The following EFEMP1 variants were observed in gnomAD, a reference collection of about 807,000 sequenced individuals.
The protein encoded by EFEMP1 is EGF-like fibulin extracellular matrix protein 1.
In EFEMP1, 18 loss-of-function variants were observed where a neutral mutation model predicts 65.7. That is an observed-to-expected ratio of 0.27 (90% CI 0.19 to 0.41). The LOEUF is 0.41. Ranked by LOEUF, EFEMP1 falls within the 10% of genes least tolerant of loss-of-function variation. The pLI is 1.00. For synonymous variants in EFEMP1, 237 were observed against 219.7 expected (o/e 1.08, Z -0.70); for missense variants, 469 against 624.8 (o/e 0.75, Z 2.66).
At chr2:55,907,304 C>T (rs544128752) in intron 5 of EFEMP1, among the ~76,000 whole-genome samples, 1 of 152,274 alleles carries the variant, frequency 6.6e-6, no homozygotes, top group South Asian at 2.1e-4. Flanking sequence ...TATGTGTGCA[C>T]ATGTGTGGGC....
At position 55,877,935 on chromosome 2, in the gene EFEMP1, A is replaced by G; in HGVS notation, c.641-70T>C. 1 of 1,584,124 alleles carries G rather than the reference A, an allele frequency of 6.3e-7. No homozygotes were observed. Among genetic ancestry groups the G allele is most frequent in the Non-Finnish European group, 8.6e-7 (1 of 1,157,364 alleles). On this transcript the variant is annotated intron_variant, in intron 6 of 11. Transcript: ENST00000355426. This position sits in a 1 kb window ranked among gnomAD's most constrained non-coding sequence, Gnocchi z 4.5. The stretch of plus-strand genomic sequence containing the variant: ...TAGCATTCTCTGAAAAGCATTATCT[A>G]GAAAACCTATGTAGAGAAAATCTCT...
chr2:55,908,396 A>G (rs971166051), intron 5 of EFEMP1, among the ~76,000 whole-genome samples: 1 of 152,172 alleles, frequency 6.6e-6, no homozygotes, highest in Non-Finnish European at 1.5e-5. Context: ...AGTCAAACTC[A>G]TAGAAGTAGA....
intron 8 of EFEMP1, among the ~76,000 whole-genome samples, chr2:55,876,108 G>C (rs910271716): frequency 1.3e-5 from 2 of 152,082 alleles, no homozygotes; most frequent in African/African-American, 4.8e-5. Flanking sequence ...CATGTGGAAA[G>C]TGAAACCCAG....
rs1262753502 is a variant in EFEMP1, at chr2:55,902,179, T to G, written c.517+15486A>C. Among the ~76,000 whole-genome samples, 3 of 152,346 alleles carry G rather than the reference T, an allele frequency of 2.0e-5. No homozygotes were observed. The East Asian group carries it at 5.8e-4, about 29-fold the overall frequency. On this transcript the variant is annotated intron_variant, in intron 5 of 11. Coordinates refer to ENST00000355426, the MANE Select transcript of EFEMP1 (RefSeq NM_001039348.3). ...CACTAAGCATTGGAGTAATTTGTTA[T>G]GCAGTAACAGATTAACTAGCACATA...
intron 5 of EFEMP1, among the ~76,000 whole-genome samples, chr2:55,911,223 T>G (rs1670471156): frequency 6.6e-6 from 1 of 152,168 alleles, no homozygotes; most frequent in Non-Finnish European, 1.5e-5. Flanking sequence ...CACCCATGTT[T>G]AGGAATCGGA....
At chr2:55,888,967 C>G (rs992661496) in intron 5 of EFEMP1, among the ~76,000 whole-genome samples, 1 of 152,156 alleles carries the variant, frequency 6.6e-6, no homozygotes, top group Non-Finnish European at 1.5e-5. Context: ...CCCACTTCCC[C>G]GGCTCCGGCT....
Position 55,866,165 on chromosome 2 carries a change from A to C in EFEMP1, c.*908T>G, listed in dbSNP as rs2104358104. The C allele has an allele frequency of 6.6e-6, 1 of 152,350 alleles. No individual in the cohort carries two copies. Among genetic ancestry groups the C allele is most frequent in the East Asian group, 1.9e-4 (1 of 5,188 alleles). The allele number at this position is 152,350 out of a possible 1,614,324, so 9.4% of individuals were successfully genotyped here. Reference sequence around the variant, plus strand: ...TCCTCTGTGAGCATCAAGTACGAAGATGAGAAATTTTAGTTATAAATTAGT... The same window carrying C: ...TCCTCTGTGAGCATCAAGTACGAAGCTGAGAAATTTTAGTTATAAATTAGT... On this transcript the variant is annotated 3_prime_UTR_variant, in exon 12 of 12. Transcript: ENST00000355426.
chr2:55,885,364 G>A lies in EFEMP1; in HGVS notation c.518-3630C>T, dbSNP rs907322370. 1.3e-5 allele frequency among the ~76,000 whole-genome samples: 2 copies of A among 152,198 alleles called. No homozygotes were observed. Among genetic ancestry groups the A allele is most frequent in the Admixed American group, 6.5e-5 (1 of 15,282 alleles). On this transcript the variant is annotated intron_variant, in intron 5 of 11. Coordinates refer to ENST00000355426, the MANE Select transcript of EFEMP1 (RefSeq NM_001039348.3). The surrounding 1 kb of genome is among the most constrained non-coding windows in gnomAD (Gnocchi z 4.3). ...CCTGGTGCAGTGCCTGGTTGAAGAG[G>A]ATCATGAAATGCTAGATCTGTCGTG...
chr2:55,920,931 AC>A (rs1427109522), intron 3 of EFEMP1, among the ~76,000 whole-genome samples: 1 of 152,254 alleles, frequency 6.6e-6, no homozygotes, highest in Non-Finnish European at 1.5e-5. Flanking sequence ...CAAAAGGGTA[AC>A]ATATCTGGAA....
rs1669429261 is a variant in EFEMP1 at position 55,886,601 on chromosome 2, C to A, written c.518-4867G>T. ...TTGTTAGAAGGAAGAGCTTCTTTAC[C>A]ATTGGCCTCCTTCCTCCCAACATTC... On this transcript the variant is annotated intron_variant, in intron 5 of 11. Coordinates refer to ENST00000355426, the MANE Select transcript of EFEMP1 (RefSeq NM_001039348.3). This position sits in a 1 kb window ranked among gnomAD's most constrained non-coding sequence, Gnocchi z 4.0. Among the ~76,000 whole-genome samples, 1 of 152,098 alleles carries A rather than the reference C, an allele frequency of 6.6e-6. No homozygotes were observed.
rs564415180 is a variant in EFEMP1 at position 55,871,842 on chromosome 2, T to C, written c.1001-719A>G. On this transcript the variant is annotated intron_variant, in intron 9 of 11. Coordinates refer to ENST00000355426, the MANE Select transcript of EFEMP1 (RefSeq NM_001039348.3). This position sits in a 1 kb window ranked among gnomAD's most constrained non-coding sequence, Gnocchi z 4.2. ...ATGAAGTGTTCCACCTCATAGAGCA[T>C]AGCAATTTTAGGACTGTAAGGAAAA... Among the ~76,000 whole-genome samples the C allele has an allele frequency of 3.9e-4, 60 of 152,066 alleles. No individual in the cohort carries two copies. In the South Asian group the frequency reaches 0.012, roughly 31 times the overall value.
chr2:55,918,564 T>TCTCTGACTG (rs1670797091), intron 3 of EFEMP1, among the ~76,000 whole-genome samples: 1 of 152,002 alleles, frequency 6.6e-6, no homozygotes, highest in Non-Finnish European at 1.5e-5. Flanking sequence ...TTCTCCAACT[T>TCTCTGACTG]CTCTGACTGC....
Position 55,877,700 on chromosome 2 carries a change from T to G in EFEMP1, c.760+46A>C. The G allele has an allele frequency of 6.2e-7, 1 of 1,611,402 alleles. No individual in the cohort carries two copies. Among genetic ancestry groups the G allele is most frequent in the East Asian group, 2.2e-5 (1 of 44,780 alleles). Reference sequence around the variant, plus strand: ...GGAAATACTGCAACATGGCATGGGGTTTCCTTTTGTGAAGACAGAAATCAG... The same window carrying G: ...GGAAATACTGCAACATGGCATGGGGGTTCCTTTTGTGAAGACAGAAATCAG... On this transcript the variant is annotated intron_variant, in intron 7 of 11. Coordinates refer to ENST00000355426, the MANE Select transcript of EFEMP1 (RefSeq NM_001039348.3). The surrounding 1 kb of genome is among the most constrained non-coding windows in gnomAD (Gnocchi z 4.5).
Position 55,877,777 on chromosome 2 carries a change from A to G in EFEMP1, c.729T>C (p.Phe243=). 1 of 1,613,268 alleles carries G rather than the reference A, an allele frequency of 6.2e-7. No homozygotes were observed. Among genetic ancestry groups the G allele is most frequent in the South Asian group, 1.1e-5 (1 of 91,076 alleles). The change falls in exon 7 of 12, where the codon TTT becomes TTC. Residue 243 remains phenylalanine, a synonymous_variant. Transcript: ENST00000355426. This position sits in a 1 kb window ranked among gnomAD's most constrained non-coding sequence, Gnocchi z 4.5. ...AGGTATAGTTGTTTGCTGCCAATTG[A>G]AACCCAGGACTGCACTGGCAATAAA... ...GSFYCQCSPG[F]QLAANNYTCV... is the part of the protein sequence containing the mutation.
At chr2:55,897,301 C>G (rs999015285) in intron 5 of EFEMP1, among the ~76,000 whole-genome samples, 2 of 152,132 alleles carry the variant, frequency 1.3e-5, no homozygotes, top group Admixed American at 1.3e-4. Context: ...TACAGGATAC[C>G]TAGTCTGGGG....
intron 5 of EFEMP1, among the ~76,000 whole-genome samples, chr2:55,902,368 C>T (rs934466498): frequency 6.6e-5 from 10 of 152,196 alleles, no homozygotes; most frequent in Admixed American, 5.2e-4. Flanking sequence ...GAAAGGCACT[C>T]GTCTCCAGTG....
intron 5 of EFEMP1, among the ~76,000 whole-genome samples, chr2:55,906,226 T>C (rs2104434385): frequency 6.9e-6 from 1 of 145,768 alleles, no homozygotes; most frequent in East Asian, 2.0e-4. Flanking sequence ...CTGCATCTTT[T>C]TTTTTTTTTT....
chr2:55,882,143 G>A (rs1482921454), intron 5 of EFEMP1, among the ~76,000 whole-genome samples: 2 of 152,028 alleles, frequency 1.3e-5, no homozygotes, highest in Admixed American at 1.3e-4. Flanking sequence ...TGTTTTGTAT[G>A]TTAAAAATTT....
intron 5 of EFEMP1, among the ~76,000 whole-genome samples, chr2:55,906,505 T>G (rs551864809): frequency 3.1e-4 from 47 of 152,328 alleles, no homozygotes; most frequent in African/African-American, 1.1e-3. Flanking sequence ...ATTACAAGCT[T>G]GAGTCACCAT....
Sources: gnomAD v4.1 joint callset for allele counts (sites outside exome capture counted in the v4.1 genomes callset) on GRCh38, gnomAD v4.1.1 for gene constraint, Gnocchi (gnomAD v3.1) non-coding constraint, MANE v1.5 for transcripts, NCBI Gene and HGNC (gene_info 2026-07-23, HGNC 2026-07-21) for gene names.